The following PCDHGA1 variants were observed in gnomAD, a reference collection of about 807,000 sequenced individuals.
PCDHGA1 encodes protocadherin gamma subfamily A, 1.
Under a neutral mutation model 58.0 loss-of-function variants are expected in PCDHGA1, and 32 were observed. The observed-to-expected ratio is 0.55, with a 90% CI of 0.42 to 0.74. PCDHGA1 has a LOEUF of 0.74. Ranked by LOEUF, PCDHGA1 falls within the 30% of genes least tolerant of loss-of-function variation. The pLI is 0.00. For missense variants in PCDHGA1, 1,205 were observed against 1,182.3 expected (o/e 1.02, Z -0.28); for synonymous variants, 498 against 501.1 (o/e 0.99, Z 0.08).
intron 1 of PCDHGA1, among the ~76,000 whole-genome samples, chr5:141,338,357 A>G (rs567252688): frequency 3.5e-4 from 54 of 152,364 alleles, no homozygotes; most frequent in African/African-American, 1.3e-3. Context: ...AAAGCCATCA[A>G]CCATAAACGT....
In PCDHGA1 at chr5:141,360,693, A is replaced by G. The variant is rs951041324; in HGVS notation, c.2421+27588A>G. 4 of 1,613,908 alleles carry G rather than the reference A, an allele frequency of 2.5e-6. No individual in the cohort carries two copies. In the African/African-American group the frequency reaches 5.3e-5, roughly 22 times the overall value. ...TTGATCTCGCTGAGAAACAGACTCC[A>G]GATGGTCGTAAATATCCTGAGTTGA... On this transcript the variant is annotated intron_variant, in intron 1 of 3. Transcript: ENST00000517417.
At chr5:141,460,985 ATATATATATATGTG>A (rs2099005673) in intron 1 of PCDHGA1, among the ~76,000 whole-genome samples, 1 of 91,766 alleles carries the variant, frequency 1.1e-5, no homozygotes, top group Non-Finnish European at 2.2e-5. Flanking sequence ...GTGTGTGTGT[ATATATATATATGTG>A]TATATATATA....
intron 1 of PCDHGA1, chr5:141,413,855 C>A: frequency 3.7e-6 from 6 of 1,613,324 alleles, no homozygotes; most frequent in Non-Finnish European, 5.1e-6. Flanking sequence ...CCTCTCCGAT[C>A]TGGCACTGTC....
intron 1 of PCDHGA1, chr5:141,400,710 C>A (rs1480952915): frequency 2.9e-6 from 2 of 693,672 alleles, no homozygotes; most frequent in Non-Finnish European, 4.8e-6. Context: ...AAAGAAGTAG[C>A]CTTATAGATT....
chr5:141,483,764 A>G (rs1170910094), intron 1 of PCDHGA1, among the ~76,000 whole-genome samples: 1 of 152,104 alleles, frequency 6.6e-6, no homozygotes, highest in East Asian at 1.9e-4. Context: ...AGGCTTGGAA[A>G]AATATTGGGG....
In PCDHGA1 at chr5:141,381,098, G is replaced by A. The variant is rs114784627; in HGVS notation, c.2421+47993G>A. Reference sequence around the variant, plus strand: ...TTATTTTGATAGATCAAAACAGAATGTCCTTCAAAGTGTTCCCTGTATTCT... The same window carrying A: ...TTATTTTGATAGATCAAAACAGAATATCCTTCAAAGTGTTCCCTGTATTCT... On this transcript the variant is annotated intron_variant, in intron 1 of 3. Transcript: ENST00000517417. 2.4e-3 allele frequency among the ~76,000 whole-genome samples: 370 copies of A among 152,320 alleles called. 4 individuals carry two copies. Among genetic ancestry groups the A allele is most frequent in the African/African-American group, 8.6e-3 (357 of 41,576 alleles).
intron 1 of PCDHGA1, chr5:141,362,646 A>G: frequency 1.4e-6 from 2 of 1,452,328 alleles, no homozygotes; most frequent in Non-Finnish European, 1.8e-6. Context: ...TTTGTCTGTG[A>G]GTTAGATTTG....
intron 1 of PCDHGA1, chr5:141,424,778 T>G (rs1009835492): frequency 1.3e-5 from 2 of 152,166 alleles, no homozygotes; most frequent in African/African-American, 4.8e-5. Flanking sequence ...AATAGTACAT[T>G]CAGTTCTTTT....
At position 141,431,056 on chromosome 5, in the gene PCDHGA1, C is replaced by T; in HGVS notation, c.2422-63751C>T. ...ACCGGGAGGAGCTCTGTATGGGGGC[C>T]ATCAAGTGTCAATTAAATCTAGACA... On this transcript the variant is annotated intron_variant, in intron 1 of 3. Transcript: ENST00000517417. The surrounding 1 kb of genome is among the most constrained non-coding windows in gnomAD (Gnocchi z 4.8). 1 of 1,614,126 alleles carries T rather than the reference C, an allele frequency of 6.2e-7. No homozygotes were observed. The highest frequency in any genetic ancestry group is 8.5e-7 in the Non-Finnish European group (1 of 1,180,000).
At chr5:141,478,862 C>T (rs1057119202) in intron 1 of PCDHGA1, 23 of 1,325,916 alleles carry the variant, frequency 1.7e-5, no homozygotes, top group Non-Finnish European at 2.2e-5. Flanking sequence ...AAGATCTCAG[C>T]GATCAGAGTT....
chr5:141,346,223 C>A, intron 1 of PCDHGA1: 2 of 1,614,210 alleles, frequency 1.2e-6, no homozygotes, highest in South Asian at 1.1e-5. Context: ...CTTCGGGAGG[C>A]GGCTTGGCGA....
At chr5:141,355,461 G>A (rs769145045) in intron 1 of PCDHGA1, 3 of 1,613,950 alleles carry the variant, frequency 1.9e-6, no homozygotes, top group East Asian at 2.2e-5. Context: ...TGGTCACCGC[G>A]GGTAGGATAG....
intron 1 of PCDHGA1, among the ~76,000 whole-genome samples, chr5:141,429,369 G>A (rs1368624471): frequency 6.7e-6 from 1 of 148,994 alleles, no homozygotes; most frequent in Non-Finnish European, 1.5e-5. Context: ...AGAAAATGGA[G>A]AAAATGTGTT....
chr5:141,490,345 G>GT lies in PCDHGA1; in HGVS notation c.2422-4461dup, dbSNP rs1363310763. The GT allele has an allele frequency of 6.2e-7, 1 of 1,614,216 alleles. No individual in the cohort carries two copies. The highest frequency in any genetic ancestry group is 2.2e-5 in the East Asian group (1 of 44,886). ...AGAGAGCACACCAGTGGGCACAGTAGTGGGGTTGTTTAATGTGCGAGACCG... is the reference window on the plus strand; with the variant it reads ...AGAGAGCACACCAGTGGGCACAGTAGTTGGGGTTGTTTAATGTGCGAGACCG... On this transcript the variant is annotated intron_variant, in intron 1 of 3. Transcript: ENST00000517417. This position sits in a 1 kb window ranked among gnomAD's most constrained non-coding sequence, Gnocchi z 5.4.
At chr5:141,424,960 C>T (rs1291822416) in intron 1 of PCDHGA1, among the ~76,000 whole-genome samples, 1 of 152,102 alleles carries the variant, frequency 6.6e-6, no homozygotes, top group African/African-American at 2.4e-5. Context: ...AGGTATTTGC[C>T]CCAAATTACT....
Position 141,487,925 on chromosome 5 carries a change from C to T in PCDHGA1, c.2422-6882C>T. 4.8e-6 allele frequency: 3 copies of T among 629,734 alleles called. No homozygotes were observed. The highest frequency in any genetic ancestry group is 8.3e-6 in the Non-Finnish European group (3 of 362,440). 39.0% of individuals were successfully genotyped at this position (629,734 alleles called of 1,614,324 possible). On this transcript the variant is annotated intron_variant, in intron 1 of 3. Coordinates refer to ENST00000517417, the MANE Select transcript of PCDHGA1 (RefSeq NM_018912.3). The surrounding 1 kb of genome is among the most constrained non-coding windows in gnomAD (Gnocchi z 5.0). ...TGTGGGAGCACAGGAGGCTACAGTGCACAGGGTACAGTGCACCAGGCAGTC... is the reference window on the plus strand; with the variant it reads ...TGTGGGAGCACAGGAGGCTACAGTGTACAGGGTACAGTGCACCAGGCAGTC...
At chr5:141,389,332 G>A in intron 1 of PCDHGA1, 2 of 1,613,980 alleles carry the variant, frequency 1.2e-6, no homozygotes, top group Non-Finnish European at 8.5e-7. Context: ...GGGCCCAACG[G>A]CCAAGTCTCT....
intron 1 of PCDHGA1, chr5:141,352,343 A>G (rs1758986738): frequency 6.2e-7 from 1 of 1,613,780 alleles, no homozygotes; most frequent in Non-Finnish European, 8.5e-7. Context: ...CTTGGCCTTG[A>G]TCTCAGTGCT....
At chr5:141,410,693 A>C in intron 1 of PCDHGA1, 1 of 1,496,902 alleles carries the variant, frequency 6.7e-7, no homozygotes, top group Non-Finnish European at 8.9e-7. Flanking sequence ...ATACTACTTT[A>C]TTTTCATATC....
Sources: gnomAD v4.1 joint callset for allele counts (sites outside exome capture counted in the v4.1 genomes callset) on GRCh38, gnomAD v4.1.1 for gene constraint, Gnocchi (gnomAD v3.1) non-coding constraint, MANE v1.5 for transcripts, NCBI Gene and HGNC (gene_info 2026-07-23, HGNC 2026-07-21) for gene names.